MTUS2: variants seen among roughly 807,000 people sequenced by gnomAD.
MTUS2 encodes microtubule-associated tumor suppressor candidate 2.
Under a neutral mutation model 114.1 loss-of-function variants are expected in MTUS2, and 40 were observed. The observed-to-expected ratio is 0.35, with a 90% confidence interval of 0.27 to 0.46. The LOEUF is 0.46. Ranked by LOEUF, MTUS2 falls within the 20% of genes least tolerant of loss-of-function variation. The pLI is 1.00. For synonymous variants in MTUS2, 688 were observed against 672.0 expected (o/e 1.02, Z -0.37); for missense variants, 1,679 against 1,705.4 (o/e 0.98, Z 0.27).
intron 2 of MTUS2, among the ~76,000 whole-genome samples, chr13:28,869,861 C>T (rs972956395): frequency 2.6e-5 from 4 of 152,284 alleles, no homozygotes; most frequent in South Asian, 2.1e-4. Flanking sequence ...CTGTGTAATA[C>T]ATAAATTTTT....
At chr13:29,368,788 A>C in intron 8 of MTUS2, among the ~76,000 whole-genome samples, 1 of 148,334 alleles carries the variant, frequency 6.7e-6, no homozygotes, top group Non-Finnish European at 1.5e-5. Flanking sequence ...GTCAGGAGAG[A>C]AAAGGGAGGC....
chr13:29,050,111 C>G (rs1242471381), intron 4 of MTUS2, among the ~76,000 whole-genome samples: 3 of 152,180 alleles, frequency 2.0e-5, no homozygotes, highest in African/African-American at 7.2e-5. Context: ...TCCCCTTTCT[C>G]TCCTTACCTA....
chr13:28,828,709 G>C (rs1171944865), intron 1 of MTUS2, among the ~76,000 whole-genome samples: 1 of 151,990 alleles, frequency 6.6e-6, no homozygotes. Flanking sequence ...CAAAATTTAA[G>C]GGACACCAAG....
intron 5 of MTUS2, among the ~76,000 whole-genome samples, chr13:29,214,076 A>C (rs746572798): frequency 6.6e-6 from 1 of 151,866 alleles, no homozygotes; most frequent in Non-Finnish European, 1.5e-5. Context: ...TTTATATATG[A>C]TGTATGAATC....
chr13:29,332,146 C>T (rs540643425), intron 7 of MTUS2, among the ~76,000 whole-genome samples: 1 of 152,164 alleles, frequency 6.6e-6, no homozygotes, highest in Non-Finnish European at 1.5e-5. Flanking sequence ...ACCAGCTCCT[C>T]TTTGTACCTC....
chr13:29,083,814 G>A (rs999621128), intron 4 of MTUS2, among the ~76,000 whole-genome samples: 1 of 152,122 alleles, frequency 6.6e-6, no homozygotes, highest in African/African-American at 2.4e-5. Flanking sequence ...AGCCAATTTT[G>A]TATATGTCAA....
At chr13:29,190,757 T>G (rs1894414155) in intron 5 of MTUS2, among the ~76,000 whole-genome samples, 1 of 152,196 alleles carries the variant, frequency 6.6e-6, no homozygotes, top group African/African-American at 2.4e-5. Flanking sequence ...TTCAGTACTT[T>G]CCAGGCAGGA....
At chr13:29,118,519 C>T (rs943239313) in intron 5 of MTUS2, among the ~76,000 whole-genome samples, 1 of 152,158 alleles carries the variant, frequency 6.6e-6, no homozygotes, top group Non-Finnish European at 1.5e-5. Context: ...AATAAATTGG[C>T]AGCCAACTAG....
intron 1 of MTUS2, among the ~76,000 whole-genome samples, chr13:28,832,407 G>C (rs1417908579): frequency 6.6e-6 from 1 of 151,990 alleles, no homozygotes; most frequent in Non-Finnish European, 1.5e-5. Flanking sequence ...TATACTCCTA[G>C]TGGATTAAAG....
At chr13:29,455,767 G>C (rs1467166850) in intron 9 of MTUS2, among the ~76,000 whole-genome samples, 2 of 152,166 alleles carry the variant, frequency 1.3e-5, no homozygotes, top group Non-Finnish European at 2.9e-5. Flanking sequence ...AATTGCTTGA[G>C]TTCAGGAGTT....
chr13:29,302,923 C>G (rs9508337), intron 6 of MTUS2, among the ~76,000 whole-genome samples: 48,572 of 152,078 alleles, frequency 0.32, 8,488 homozygotes, highest in Non-Finnish European at 0.4. Context: ...GTCAGTACCC[C>G]CTGGGATGGA....
chr13:29,222,221 G>A (rs2139326304), intron 5 of MTUS2, among the ~76,000 whole-genome samples: 1 of 152,318 alleles, frequency 6.6e-6, no homozygotes, highest in Non-Finnish European at 1.5e-5. Flanking sequence ...TTTTACTTGT[G>A]TGTAGGCTTG....
At chr13:29,387,614 AG>A (rs1566171068) in intron 8 of MTUS2, among the ~76,000 whole-genome samples, 1 of 152,194 alleles carries the variant, frequency 6.6e-6, no homozygotes, top group Non-Finnish European at 1.5e-5. Flanking sequence ...GGGCTGTTAA[AG>A]GAACAAGGCG....
intron 2 of MTUS2, among the ~76,000 whole-genome samples, chr13:28,892,192 C>T (rs139146449): frequency 2.2e-4 from 34 of 152,180 alleles, no homozygotes; most frequent in Admixed American, 3.3e-4. Flanking sequence ...ATTTATATAC[C>T]CTGTGTTATG....
chr13:29,001,177 A>T (rs897202185), intron 2 of MTUS2, among the ~76,000 whole-genome samples: 1 of 152,000 alleles, frequency 6.6e-6, no homozygotes, highest in African/African-American at 2.4e-5. Flanking sequence ...TTTGGCTTTT[A>T]TTCTCAGTGA....
At chr13:29,030,348 T>C in intron 3 of MTUS2, among the ~76,000 whole-genome samples, 1 of 152,152 alleles carries the variant, frequency 6.6e-6, no homozygotes, top group East Asian at 1.9e-4. Context: ...TCAAAGAATT[T>C]ATTTGTTTTT....
chr13:29,383,773 T>C (rs990616210), intron 8 of MTUS2, among the ~76,000 whole-genome samples: 1 of 152,150 alleles, frequency 6.6e-6, no homozygotes, highest in Non-Finnish European at 1.5e-5. Flanking sequence ...GCCATTCAAA[T>C]CTGCTGGAAA....
intron 4 of MTUS2, among the ~76,000 whole-genome samples, chr13:29,046,117 A>ATT (rs5802505): frequency 0.89 from 128,794 of 144,844 alleles, 57,565 homozygotes; most frequent in South Asian, 0.96. Flanking sequence ...GTTAGTAAGT[A>ATT]TTTTTTTTTT....
At chr13:29,136,279 T>C (rs549589415) in intron 5 of MTUS2, among the ~76,000 whole-genome samples, 8 of 152,210 alleles carry the variant, frequency 5.3e-5, no homozygotes, top group Non-Finnish European at 1.2e-4. Context: ...TCGCCAGATA[T>C]AGAATTGTGA....
Sources: allele counts gnomAD v4.1 joint callset (sites outside exome capture counted in the v4.1 genomes callset), GRCh38; gene constraint gnomAD v4.1.1; transcripts MANE v1.5; gene names NCBI Gene and HGNC (gene_info 2026-07-23, HGNC 2026-07-21).